Variants in WDR75 observed in about 807,000 individuals in gnomAD.
WDR75 encodes the protein WD repeat domain 75.
A neutral mutation model predicts 106.1 loss-of-function variants in WDR75; 52 were observed. The observed-to-expected ratio is 0.49, with a 90% CI of 0.39 to 0.62. The LOEUF is 0.62. Among genes scored for constraint, WDR75 ranks in the 20% least tolerant of loss-of-function variants. The pLI, the probability that WDR75 is intolerant of heterozygous loss-of-function variation, is 0.00. For synonymous variants in WDR75, 333 were observed against 335.5 expected (o/e 0.99, Z 0.08); for missense variants, 905 against 970.3 (o/e 0.93, Z 0.89).
In WDR75 at chr2:189,451,851, A is replaced by G; in HGVS notation, c.329A>G (p.Gln110Arg). 1 of 1,613,852 alleles carries G rather than the reference A, an allele frequency of 6.2e-7. No homozygotes were observed. Among genetic ancestry groups the G allele is most frequent in the Non-Finnish European group, 8.5e-7 (1 of 1,179,926 alleles). The change falls in exon 4 of 21, where the codon CAA becomes CGA. Residue 110 changes from glutamine to arginine, a missense_variant. Gln to Arg is a conservative substitution (Grantham distance 43, BLOSUM62 1). Transcript: ENST00000314761. ...CKLHALFTLA[Q>R]AEDSVFVIVN... ...CTTCATGCCCTCTTTACTCTTGCCC[A>G]AGCTGAGGATTCTGTCTTTGTTATA...
chr2:189,458,697 C>T (rs1021050875), intron 6 of WDR75, 56 bp from the exon 7 acceptor site: 1 of 1,411,128 alleles, frequency 7.1e-7, no homozygotes, highest in Non-Finnish European at 9.4e-7. Context: ...TTAACTACAT[C>T]ACCACTTATC....
intron 1 of WDR75, among the ~76,000 whole-genome samples, chr2:189,447,964 G>A (rs1686536284): frequency 6.6e-6 from 1 of 152,146 alleles, no homozygotes; most frequent in South Asian, 2.1e-4. Context: ...AATCATGGGG[G>A]CAGTTTCCCC....
chr2:189,467,638 G>T lies in WDR75; in HGVS notation c.1618G>T (p.Gly540Trp). The part of the protein sequence containing the change: ...ELKCTFCQRA[G>W]KIRHLCFGRL... ...TAAATGTACATTTTGCCAACGAGCT[G>T]GGAAAATAAGGTAGGTAAATCTTCG... Residue 540 changes from glycine (G) to tryptophan (W), a missense_variant, in exon 14 of 21, where the codon GGG becomes TGG. Gly to Trp is a radical substitution (Grantham distance 184, BLOSUM62 -2). Transcript: ENST00000314761. 6.3e-7 allele frequency: 1 copy of T among 1,594,334 alleles called. No individual in the cohort carries two copies. The highest frequency in any genetic ancestry group is 8.5e-7 in the Non-Finnish European group (1 of 1,170,620).
At chr2:189,450,255 A>T in intron 2 of WDR75, 1 of 985,566 alleles carries the variant, frequency 1.0e-6, no homozygotes, top group Non-Finnish European at 1.2e-6. Flanking sequence ...CACTCCCTTA[A>T]TGCTCATATA....
At position 189,441,589 on chromosome 2, in the gene WDR75, C is replaced by A. The variant is rs767883343; in HGVS notation, c.86+11C>A. On this transcript the variant is annotated intron_variant, in intron 1 of 20. Coordinates refer to ENST00000314761, the MANE Select transcript of WDR75 (RefSeq NM_032168.3). ...CTCTGCAGATTCTAAGTATGAGGGG[C>A]ACCGCGCTTTGTCGGCTGAGGGGCG... 2.6e-6 allele frequency: 4 copies of A among 1,554,142 alleles called. No homozygotes were observed. The South Asian group carries it at 4.7e-5, about 18-fold the overall frequency.
At chr2:189,460,326 C>T (rs563522580) in intron 8 of WDR75, among the ~76,000 whole-genome samples, 124 of 152,192 alleles carry the variant, frequency 8.1e-4, no homozygotes, top group Non-Finnish European at 1.5e-3. Context: ...GTGTAATGCC[C>T]GGAAGCCCCA....
rs1472858639 is a variant in WDR75, at chr2:189,442,514, A to C, written c.86+936A>C. On this transcript the variant is annotated intron_variant, in intron 1 of 20. Transcript: ENST00000314761. ...CACCCAGGCTGGAGTGCAGTGGCTC[A>C]ATCTAGGCTCATTGCAACCTCCGCC... is the stretch of plus-strand genomic sequence containing the variant. Among the ~76,000 whole-genome samples the C allele has an allele frequency of 5.5e-5, 7 of 127,300 alleles. No homozygotes were observed. In the Admixed American group the frequency reaches 7.3e-4, roughly 13 times the overall value. 83.5% of individuals were successfully genotyped at this position (127,300 alleles called of 152,430 possible).
At position 189,463,973 on chromosome 2, in the gene WDR75, A is replaced by AT. The variant is rs142586889; in HGVS notation, c.1113+13dup. 65,546 of 1,606,166 alleles carry AT rather than the reference A, an allele frequency of 0.041. 1,862 individuals carry two copies. Among genetic ancestry groups the AT allele is most frequent in the African/African-American group, 0.14 (10,346 of 74,722 alleles). ...AACAGTTATACAATGTAAGATTTTG[A>AT]TCATTAGCCTTGAAATTAATGAAAG... is the stretch of plus-strand genomic sequence containing the variant. On this transcript the variant is annotated intron_variant, in intron 11 of 20. Transcript: ENST00000314761.
In WDR75 at chr2:189,448,603, A is replaced by T. The variant is rs1410560621; in HGVS notation, c.216+95A>T. On this transcript the variant is annotated intron_variant, in intron 2 of 20. Transcript: ENST00000314761. Reference sequence around the variant, plus strand: ...TTGACTGAGAAACTTTCCAGGTTATAAGTAAAATATTTGCTTATTTTCAGT... The same window carrying T: ...TTGACTGAGAAACTTTCCAGGTTATTAGTAAAATATTTGCTTATTTTCAGT... The T allele has an allele frequency of 2.0e-6, 3 of 1,493,586 alleles. No homozygotes were observed. The Admixed American group carries it at 5.8e-5, about 29-fold the overall frequency. 92.5% of individuals were successfully genotyped at this position (1,493,586 alleles called of 1,614,324 possible).
At chr2:189,473,196 G>A (rs1687149782) in intron 18 of WDR75, among the ~76,000 whole-genome samples, 1 of 151,626 alleles carries the variant, frequency 6.6e-6, no homozygotes, top group Non-Finnish European at 1.5e-5. Flanking sequence ...CAGCCTGGGT[G>A]ACAGAACAAG....
At position 189,465,096 on chromosome 2, in the gene WDR75, A is replaced by G; in HGVS notation, c.1131A>G (p.Gln377=). ...CTCATCAGTTAGATATTATACAGCA[A>G]GAATATATTAATGATTATGGTCTGA... ...KQLYNLDIIQ[Q]EYINDYGLIQ... Residue 377 remains glutamine (Q), a synonymous_variant, in exon 12 of 21, where the codon CAA becomes CAG. Coordinates refer to ENST00000314761, the MANE Select transcript of WDR75 (RefSeq NM_032168.3). 2 of 1,597,466 alleles carry G rather than the reference A, an allele frequency of 1.3e-6. No homozygotes were observed. The highest frequency in any genetic ancestry group is 1.7e-6 in the Non-Finnish European group (2 of 1,172,140).
intron 16 of WDR75, 42 bp downstream of exon 16, chr2:189,469,481 C>G (rs1404020179): frequency 2.7e-6 from 4 of 1,486,250 alleles, no homozygotes; most frequent in African/African-American, 1.4e-5. Context: ...ACATCTATGA[C>G]CTAAGTTTTC....
Position 189,466,528 on chromosome 2 carries a change from A to T in WDR75, c.1393A>T (p.Ser465Cys). The T allele has an allele frequency of 6.2e-7, 1 of 1,613,340 alleles. No individual in the cohort carries two copies. The highest frequency in any genetic ancestry group is 8.5e-7 in the Non-Finnish European group (1 of 1,179,428). The change falls in exon 13 of 21, where the codon AGC becomes TGC. Residue 465 changes from serine to cysteine, a missense_variant. Coordinates refer to ENST00000314761, the MANE Select transcript of WDR75 (RefSeq NM_032168.3). ...KSEQPTLVTA[S>C]KDGYFKVWIL... The stretch of plus-strand genomic sequence containing the variant: ...TGAACAGCCCACCTTGGTTACAGCT[A>T]GCAAAGATGGTTACTTCAAAGTATG...
intron 1 of WDR75, among the ~76,000 whole-genome samples, chr2:189,445,750 C>CTCT (rs1686485734): frequency 6.6e-6 from 1 of 152,038 alleles, no homozygotes; most frequent in South Asian, 2.1e-4. Context: ...CTAGGTGAAG[C>CTCT]GTATGCAGGA....
At chr2:189,459,153 G>A (rs972141579) in intron 7 of WDR75, among the ~76,000 whole-genome samples, 183 bp from the exon 8 acceptor site, 1 of 152,116 alleles carries the variant, frequency 6.6e-6, no homozygotes, top group Non-Finnish European at 1.5e-5. Flanking sequence ...TACCACAGAT[G>A]GCATATTATT....
At chr2:189,462,702 G>T in intron 9 of WDR75, 60 bp downstream of exon 9, 1 of 1,517,398 alleles carries the variant, frequency 6.6e-7, no homozygotes, top group Non-Finnish European at 9.0e-7. Flanking sequence ...GCTAGCATCT[G>T]TAGGGAACAG....
chr2:189,469,329 T>C lies in WDR75; in HGVS notation c.1724-15T>C, dbSNP rs1687069933. On this transcript the variant is annotated splice_polypyrimidine_tract_variant and intron_variant, in intron 15 of 20. Coordinates refer to ENST00000314761, the MANE Select transcript of WDR75 (RefSeq NM_032168.3). ...TCTTTCCTTAGAAGTGAATCACCTT[T>C]GTTTTTCCCCTCAGTGGAGTGGAAT... 6.3e-6 allele frequency: 10 copies of C among 1,597,502 alleles called. No homozygotes were observed. The highest frequency in any genetic ancestry group is 3.3e-4 in the Middle Eastern group (2 of 6,054).
chr2:189,461,322 T>G (rs563661341), intron 8 of WDR75, among the ~76,000 whole-genome samples: 32 of 152,340 alleles, frequency 2.1e-4, no homozygotes, highest in African/African-American at 7.7e-4. Context: ...TTCAAACCAT[T>G]AGATTTAATT....
chr2:189,467,729 C>T, intron 14 of WDR75, 81 bp downstream of exon 14: 9 of 1,328,470 alleles, frequency 6.8e-6, no homozygotes, highest in Middle Eastern at 2.8e-4. Flanking sequence ...GTCATTTATG[C>T]CCTCTCCAAA....
Sources: gnomAD v4.1 joint callset for allele counts (sites outside exome capture counted in the v4.1 genomes callset) on GRCh38, gnomAD v4.1.1 for gene constraint, MANE v1.5 for transcripts, NCBI Gene and HGNC (gene_info 2026-07-23, HGNC 2026-07-21) for gene names.